SLC35F4: variants seen among roughly 807,000 people sequenced by gnomAD.
SLC35F4 encodes the protein solute carrier family 35 member F4, also known as chromosome 14 open reading frame 36.
In SLC35F4, 24 loss-of-function variants were observed where a neutral mutation model predicts 44.2. The ratio of observed to expected loss-of-function variants is 0.54; its 90% CI spans 0.39 to 0.76. The LOEUF (loss-of-function observed/expected upper bound fraction) is 0.76. Ranked by LOEUF, SLC35F4 falls within the 30% of genes least tolerant of loss-of-function variation. The pLI is 0.00. For missense variants in SLC35F4, 562 were observed against 586.1 expected, an observed-to-expected ratio of 0.96 and a Z score of 0.42; for synonymous variants, 238 against 223.6, an observed-to-expected ratio of 1.06 and a Z score of -0.57.
At chr14:57,612,055 G>A (rs2140050479) in intron 1 of SLC35F4, among the ~76,000 whole-genome samples, 1 of 152,270 alleles carries the variant, frequency 6.6e-6, no homozygotes, top group Middle Eastern at 3.4e-3. Flanking sequence ...CAGAAAGCTG[G>A]AGTCTGAGTT....
rs376752816 is a variant in SLC35F4 at position 57,835,102 on chromosome 14, G to A, written c.103+30621C>T. The stretch of plus-strand genomic sequence containing the variant: ...GTATTAACAGACCAATACAGAAGTT[G>A]CTGTTTGCCACAGAAACATGAAAAT... On this transcript the variant is annotated intron_variant, in intron 1 of 7. Coordinates refer to ENST00000556826, the MANE Select transcript of SLC35F4 (RefSeq NM_001306087.2). 3.2e-4 allele frequency among the ~76,000 whole-genome samples: 49 copies of A among 152,332 alleles called. No homozygotes were observed. In the South Asian group the frequency reaches 9.8e-3, roughly 30 times the overall value.
intron 1 of SLC35F4, among the ~76,000 whole-genome samples, chr14:57,749,112 A>C (rs1169923383): frequency 6.6e-6 from 1 of 152,214 alleles, no homozygotes; most frequent in Non-Finnish European, 1.5e-5. Flanking sequence ...ATCAATATTC[A>C]ACTCCGTGAT....
At chr14:57,679,364 C>T (rs2074810178) in intron 1 of SLC35F4, among the ~76,000 whole-genome samples, 1 of 152,068 alleles carries the variant, frequency 6.6e-6, no homozygotes, top group South Asian at 2.1e-4. Context: ...CTCTGTGACA[C>T]ATTTAAAGCA....
At chr14:57,885,291 T>C (rs1248189182) in intron 1 of SLC35F4, among the ~76,000 whole-genome samples, 1 of 152,184 alleles carries the variant, frequency 6.6e-6, no homozygotes, top group Non-Finnish European at 1.5e-5. Context: ...GTTAGAGGAA[T>C]GCAGGTAATG....
chr14:57,566,045 C>T (rs2068190430), intron 7 of SLC35F4, among the ~76,000 whole-genome samples: 1 of 152,176 alleles, frequency 6.6e-6, no homozygotes, highest in Non-Finnish European at 1.5e-5. Flanking sequence ...GCCATCTGCT[C>T]TGCCCCAGGA....
chr14:57,566,836 A>C (rs751352601), intron 6 of SLC35F4, among the ~76,000 whole-genome samples: 3 of 152,258 alleles, frequency 2.0e-5, no homozygotes, highest in Non-Finnish European at 4.4e-5. Flanking sequence ...ATTGATTCAC[A>C]GGACTGTTTA....
intron 1 of SLC35F4, among the ~76,000 whole-genome samples, chr14:57,780,116 T>C (rs942339608): frequency 1.3e-5 from 2 of 152,106 alleles, no homozygotes; most frequent in Non-Finnish European, 2.9e-5. Context: ...ATAAATGACA[T>C]CCAAATAGAA....
chr14:57,881,806 C>A (rs1308007267), intron 1 of SLC35F4, among the ~76,000 whole-genome samples: 1 of 152,112 alleles, frequency 6.6e-6, no homozygotes, highest in African/African-American at 2.4e-5. Flanking sequence ...GTCTATTTAA[C>A]CCAATCTGGT....
intron 1 of SLC35F4, among the ~76,000 whole-genome samples, chr14:57,621,599 A>G (rs1232939741): frequency 1.3e-5 from 2 of 152,256 alleles, no homozygotes; most frequent in African/African-American, 2.4e-5. Flanking sequence ...GGTGCTGGGA[A>G]AACTGGCTAG....
At chr14:57,759,201 G>A (rs2077065007) in intron 1 of SLC35F4, among the ~76,000 whole-genome samples, 1 of 152,186 alleles carries the variant, frequency 6.6e-6, no homozygotes, top group Admixed American at 6.5e-5. Context: ...TGGGAGTACA[G>A]ATAATTCTTT....
chr14:57,853,865 G>A (rs1424864569), intron 1 of SLC35F4, among the ~76,000 whole-genome samples: 1 of 152,172 alleles, frequency 6.6e-6, no homozygotes, highest in Non-Finnish European at 1.5e-5. Flanking sequence ...TCAAACCCAT[G>A]AGAGACTCCC....
At chr14:57,696,862 GA>G (rs2075397019) in intron 1 of SLC35F4, among the ~76,000 whole-genome samples, 3 of 152,160 alleles carry the variant, frequency 2.0e-5, no homozygotes, top group African/African-American at 7.2e-5. Flanking sequence ...AGTGGGAACT[GA>G]ACAATGAGAA....
At chr14:57,615,506 G>A (rs1402827538) in intron 1 of SLC35F4, among the ~76,000 whole-genome samples, 2 of 152,088 alleles carry the variant, frequency 1.3e-5, no homozygotes, top group East Asian at 3.9e-4. Flanking sequence ...AAAATCCATG[G>A]CACACAATGT....
intron 1 of SLC35F4, 149 bp downstream of exon 1, chr14:57,865,574 G>C (rs1372388582): frequency 1.7e-6 from 1 of 596,736 alleles, no homozygotes; most frequent in African/African-American, 2.0e-5. Context: ...TCTCCCCGGG[G>C]GGTCCCCGCC....
chr14:57,911,886 T>C (rs909223250), intron 1 of SLC35F4, among the ~76,000 whole-genome samples: 1 of 151,980 alleles, frequency 6.6e-6, no homozygotes, highest in Non-Finnish European at 1.5e-5. Context: ...TGGTAGAGTT[T>C]ACTAGTGAAC....
At chr14:57,932,778 G>A (rs532894174) in intron 1 of SLC35F4, among the ~76,000 whole-genome samples, 2 of 152,154 alleles carry the variant, frequency 1.3e-5, no homozygotes, top group African/African-American at 4.8e-5. Flanking sequence ...GAATCCAGGG[G>A]GCAGAGGTTG....
rs572185123 is a variant in SLC35F4, at chr14:57,614,588, G to A, written c.104-20464C>T. Reference sequence around the variant, plus strand: ...AATTTTTAATAACTAAGAACAAGTTGAAAAAGAATTGGAAGTAAAAAGACT... The same window carrying A: ...AATTTTTAATAACTAAGAACAAGTTAAAAAAGAATTGGAAGTAAAAAGACT... On this transcript the variant is annotated intron_variant, in intron 1 of 7. Transcript: ENST00000556826. 4.6e-5 allele frequency among the ~76,000 whole-genome samples: 7 copies of A among 152,320 alleles called. No homozygotes were observed. The East Asian group carries it at 1.4e-3, about 29-fold the overall frequency.
At chr14:57,685,044 T>C (rs2075027763) in intron 1 of SLC35F4, among the ~76,000 whole-genome samples, 1 of 152,202 alleles carries the variant, frequency 6.6e-6, no homozygotes, top group Non-Finnish European at 1.5e-5. Flanking sequence ...GATGTGTATA[T>C]TTCTTCCAGA....
intron 1 of SLC35F4, among the ~76,000 whole-genome samples, chr14:57,979,095 C>A (rs942342547): frequency 6.6e-6 from 1 of 152,182 alleles, no homozygotes; most frequent in Non-Finnish European, 1.5e-5. Context: ...CTCCATCCCT[C>A]AGAGATGGAT....
Sources: gnomAD v4.1 joint callset for allele counts (sites outside exome capture counted in the v4.1 genomes callset) on GRCh38, gnomAD v4.1.1 for gene constraint, MANE v1.5 for transcripts, NCBI Gene and HGNC (gene_info 2026-07-23, HGNC 2026-07-21) for gene names.